The following SPI1 variants were observed in gnomAD, a reference collection of about 807,000 sequenced individuals.
SPI1 encodes Spi-1 proto-oncogene.
SPI1 carries 3 observed loss-of-function variants against 30.7 expected under a neutral mutation model. The observed-to-expected ratio is 0.10, with a 90% CI of 0.04 to 0.25. The LOEUF (loss-of-function observed/expected upper bound fraction) is 0.25, where lower values mean the gene tolerates loss of function less well. SPI1 is among the 10% of genes least tolerant of loss of function. The probability of loss-of-function intolerance (pLI) is 1.00; values close to 1 mark genes in which losing one functional copy is unlikely to be tolerated. For synonymous variants in SPI1, 169 were observed against 157.1 expected, an observed-to-expected ratio of 1.08 and a Z score of -0.56; for missense variants, 261 against 371.5, an observed-to-expected ratio of 0.70 and a Z score of 2.45.
chr11:47,362,566 GTC>G (rs1466058936), intron 2 of SPI1, among the ~76,000 whole-genome samples: 1 of 128,148 alleles, frequency 7.8e-6, no homozygotes, highest in Non-Finnish European at 1.6e-5. Flanking sequence ...GTGAGACCCT[GTC>G]TCTTTTTTTT....
In SPI1 at chr11:47,359,658, A is replaced by G. The variant is rs181611720; in HGVS notation, c.330+195T>C. On this transcript the variant is annotated intron_variant, in intron 3 of 4. Coordinates refer to ENST00000378538, the MANE Select transcript of SPI1 (RefSeq NM_003120.3). The surrounding 1 kb of genome is among the most constrained non-coding windows in gnomAD (Gnocchi z 5.1). ...CTGGGGTCTGTCCATACTCGGGGTG[A>G]GATGAGATAAGGGGTGTGGGGTCAT... Among the ~76,000 whole-genome samples the G allele has an allele frequency of 1.3e-5, 2 of 149,664 alleles. No individual in the cohort carries two copies. The highest frequency in any genetic ancestry group is 5.0e-5 in the African/African-American group (2 of 40,326).
rs1169999406 is a variant in SPI1, at chr11:47,375,437, T to C, written c.142+196A>G. Among the ~76,000 whole-genome samples, 1 of 152,206 alleles carries C rather than the reference T, an allele frequency of 6.6e-6. No individual in the cohort carries two copies. The highest frequency in any genetic ancestry group is 2.4e-5 in the African/African-American group (1 of 41,460). On this transcript the variant is annotated intron_variant, in intron 2 of 4. Transcript: ENST00000378538. This position sits in a 1 kb window ranked among gnomAD's most constrained non-coding sequence, Gnocchi z 4.2. ...AAATGAACCCCGCACCTTGACACAC[T>C]GCAGAGGCTCCATAATGGAGGCTCA...
At chr11:47,367,871 C>A (rs1006877773) in intron 2 of SPI1, among the ~76,000 whole-genome samples, 2 of 148,792 alleles carry the variant, frequency 1.3e-5, no homozygotes, top group African/African-American at 4.9e-5. Flanking sequence ...CATTCTCCTG[C>A]GTCAGCCTCC....
chr11:47,374,236 C>G lies in SPI1; in HGVS notation c.142+1397G>C, dbSNP rs903604343. 2.0e-5 allele frequency among the ~76,000 whole-genome samples: 3 copies of G among 152,190 alleles called. No homozygotes were observed. Among genetic ancestry groups the G allele is most frequent in the African/African-American group, 7.2e-5 (3 of 41,450 alleles). On this transcript the variant is annotated intron_variant, in intron 2 of 4. Coordinates refer to ENST00000378538, the MANE Select transcript of SPI1 (RefSeq NM_003120.3). The surrounding 1 kb of genome is among the most constrained non-coding windows in gnomAD (Gnocchi z 4.5). ...GATGGAGTTGGGGGAGGGGGACTTT[C>G]TCTCTACATTGCCTGGGTTTCCCAC...
intron 4 of SPI1, among the ~76,000 whole-genome samples, chr11:47,355,908 CACA>C (rs2095907854): frequency 6.6e-6 from 1 of 151,562 alleles, no homozygotes; most frequent in Non-Finnish European, 1.5e-5. Context: ...CACGTGCTCA[CACA>C]ACGCACCTTC....
intron 2 of SPI1, among the ~76,000 whole-genome samples, chr11:47,368,506 G>GT (rs780108194): frequency 8.5e-5 from 13 of 152,206 alleles, no homozygotes; most frequent in Non-Finnish European, 1.5e-4. Context: ...AACACCCTAA[G>GT]TGTCGGACGG....
At chr11:47,366,814 G>C (rs934983950) in intron 2 of SPI1, among the ~76,000 whole-genome samples, 1 of 103,420 alleles carries the variant, frequency 9.7e-6, no homozygotes, top group South Asian at 4.6e-4. Context: ...AGAGTGGAAC[G>C]CTGTCTCAAA....
intron 2 of SPI1, among the ~76,000 whole-genome samples, chr11:47,369,753 T>G (rs1325680870): frequency 6.6e-6 from 1 of 152,200 alleles, no homozygotes; most frequent in Non-Finnish European, 1.5e-5. Context: ...AAACTATGAT[T>G]AATTAAGTGA....
chr11:47,363,272 G>A (rs1451647806), intron 2 of SPI1, among the ~76,000 whole-genome samples: 1 of 152,234 alleles, frequency 6.6e-6, no homozygotes, highest in African/African-American at 2.4e-5. Context: ...TGTAATCCCA[G>A]CACTTTGGGA....
intron 2 of SPI1, among the ~76,000 whole-genome samples, chr11:47,373,200 A>C (rs530037416): frequency 6.6e-6 from 1 of 151,940 alleles, no homozygotes; most frequent in Non-Finnish European, 1.5e-5. Context: ...AAAATACAAA[A>C]AATTAGCTGA....
In SPI1 at chr11:47,378,361, G is replaced by A; in HGVS notation, c.-8C>T. ...TTTGCACGCCTGTAACATCCAGCCG[G>A]GCTCCGAGTCGGTCAGATCCCCTGC... On this transcript the variant is annotated 5_prime_UTR_variant, in exon 1 of 5. Coordinates refer to ENST00000378538, the MANE Select transcript of SPI1 (RefSeq NM_003120.3). 2 of 1,612,328 alleles carry A rather than the reference G, an allele frequency of 1.2e-6. No individual in the cohort carries two copies. The highest frequency in any genetic ancestry group is 2.2e-5 in the South Asian group (2 of 90,704).
intron 4 of SPI1, among the ~76,000 whole-genome samples, chr11:47,356,426 ACT>A (rs1462074107): frequency 6.8e-6 from 1 of 147,740 alleles, no homozygotes; most frequent in African/African-American, 2.5e-5. Context: ...CAATGCACCC[ACT>A]CACACACATG....
chr11:47,355,891 A>G (rs533942636), intron 4 of SPI1, among the ~76,000 whole-genome samples: 1 of 145,656 alleles, frequency 6.9e-6, no homozygotes, highest in South Asian at 2.3e-4. Context: ...GCCCACACCC[A>G]CTCACACACG....
At chr11:47,358,234 A>G in intron 4 of SPI1, 1 of 348,030 alleles carries the variant, frequency 2.9e-6, no homozygotes. Flanking sequence ...CTGCTTACAT[A>G]CACATTCACA....
At chr11:47,364,395 T>C (rs2095925505) in intron 2 of SPI1, among the ~76,000 whole-genome samples, 1 of 152,118 alleles carries the variant, frequency 6.6e-6, no homozygotes, top group Admixed American at 6.5e-5. Flanking sequence ...CTCCTCGCTG[T>C]AGGAGAGTTT....
rs781305688 is a variant in SPI1 at position 47,355,263 on chromosome 11, G to A, written c.777C>T (p.Arg259=). The change falls in exon 5 of 5, where the codon CGC becomes CGT. Residue 259 remains arginine (R), a synonymous_variant. Transcript: ENST00000378538. ...TYQFSGEVLG[R]GGLAERRHPP... ...GGTGGCGCCGCTCGGCCAGGCCCCCGCGGCCCAGCACTTCGCCGCTGAACT... is the reference window on the plus strand; with the variant it reads ...GGTGGCGCCGCTCGGCCAGGCCCCCACGGCCCAGCACTTCGCCGCTGAACT... 3.3e-6 allele frequency: 5 copies of A among 1,505,330 alleles called. No homozygotes were observed. Among genetic ancestry groups the A allele is most frequent in the South Asian group, 1.3e-5 (1 of 79,218 alleles). 93.2% of individuals were successfully genotyped at this position (1,505,330 alleles called of 1,614,324 possible).
At chr11:47,366,962 T>C (rs1168030479) in intron 2 of SPI1, among the ~76,000 whole-genome samples, 1 of 152,252 alleles carries the variant, frequency 6.6e-6, no homozygotes, top group Non-Finnish European at 1.5e-5. Context: ...AAGATGGATC[T>C]TGTAGAACCT....
Position 47,378,311 on chromosome 11 carries a change from G to T in SPI1, c.43C>A (p.Pro15Thr), listed in dbSNP as rs771555522. 18 of 1,613,438 alleles carry T rather than the reference G, an allele frequency of 1.1e-5. No individual in the cohort carries two copies. The highest frequency in any genetic ancestry group is 2.2e-5 in the South Asian group (2 of 90,790). ...CKMEGFPLVP[P>T]PSEDLVPYDT... is the part of the protein sequence containing the mutation. ...GGTGGAGGAGTCCCGGTACTCACAG[G>T]GGGGACGAGGGGAAACCCTTCCATT... is the stretch of plus-strand genomic sequence containing the variant. The change falls in exon 1 of 5, where the codon CCT (proline) becomes ACT (threonine). Residue 15 changes from proline to threonine, a missense_variant and splice_region_variant. Coordinates refer to ENST00000378538, the MANE Select transcript of SPI1 (RefSeq NM_003120.3).
At chr11:47,365,276 A>G (rs892497608) in intron 2 of SPI1, among the ~76,000 whole-genome samples, 1 of 152,168 alleles carries the variant, frequency 6.6e-6, no homozygotes, top group Non-Finnish European at 1.5e-5. Flanking sequence ...TCCTCGAAAG[A>G]ATATAATGTC....
Sources: gnomAD v4.1 joint callset for allele counts (sites outside exome capture counted in the v4.1 genomes callset) on GRCh38, gnomAD v4.1.1 for gene constraint, Gnocchi (gnomAD v3.1) non-coding constraint, MANE v1.5 for transcripts, NCBI Gene and HGNC (gene_info 2026-07-23, HGNC 2026-07-21) for gene names.